Variants in CACNA1S observed in about 807,000 individuals in gnomAD.
The protein encoded by CACNA1S is voltage-dependent L-type calcium channel subunit alpha-1S.
A neutral mutation model predicts 207.4 loss-of-function variants in CACNA1S; 126 were observed. The ratio of observed to expected loss-of-function variants is 0.61; its 90% CI spans 0.53 to 0.70. CACNA1S has a LOEUF of 0.70. Among genes scored for constraint, CACNA1S ranks in the 30% least tolerant of loss-of-function variants. The pLI is 0.00. For missense variants in CACNA1S, 2,349 were observed against 2,422.8 expected (o/e 0.97, Z 0.64); for synonymous variants, 960 against 932.7 (o/e 1.03, Z -0.53).
chr1:201,057,389 C>G (rs1424199902), intron 28 of CACNA1S, among the ~76,000 whole-genome samples: 2 of 152,334 alleles, frequency 1.3e-5, no homozygotes, highest in Admixed American at 1.3e-4. Flanking sequence ...TGGACACCAC[C>G]CTCCCATTCT....
At position 201,074,585 on chromosome 1, in the gene CACNA1S, C is replaced by T. The variant is rs1304993462; in HGVS notation, c.1984G>A (p.Asp662Asn). Residue 662 changes from aspartate (D) to asparagine (N), a missense_variant, in exon 14 of 44, where the codon GAC becomes AAC. Physicochemically the swap from Asp to Asn is conservative, Grantham distance 23. Transcript: ENST00000362061. ...AGGCTCTCCGCCTCGGCCAGGTTGT[C>T]CACGGCAATGGCCAGGAAGACATTG... is the stretch of plus-strand genomic sequence containing the variant. ...LLNVFLAIAVDNLAEAESLTS... is the reference protein window; with the variant it reads ...LLNVFLAIAVNNLAEAESLTS... 1 of 1,613,846 alleles carries T rather than the reference C, an allele frequency of 6.2e-7. No homozygotes were observed. Among genetic ancestry groups the T allele is most frequent in the Non-Finnish European group, 8.5e-7 (1 of 1,179,784 alleles).
chr1:201,106,039 A>T (rs1330032684), intron 2 of CACNA1S, among the ~76,000 whole-genome samples: 1 of 152,134 alleles, frequency 6.6e-6, no homozygotes, highest in Non-Finnish European at 1.5e-5. Flanking sequence ...GTATCACCAC[A>T]CATCTGAAGT....
intron 38 of CACNA1S, among the ~76,000 whole-genome samples, chr1:201,044,787 C>T (rs1660418825): frequency 6.6e-6 from 1 of 152,224 alleles, no homozygotes; most frequent in Non-Finnish European, 1.5e-5. Flanking sequence ...GGATTACAGG[C>T]ATGAGCCACC....
At position 201,069,121 on chromosome 1, in the gene CACNA1S, C is replaced by T; in HGVS notation, c.2550+16G>A. On this transcript the variant is annotated intron_variant, in intron 19 of 43. Transcript: ENST00000362061. ...GGAAACTCCCTCCCCAGGGCTGCCC[C>T]ACAGCCTTCACTCACCTTGAGGACA... 1.2e-6 allele frequency: 2 copies of T among 1,612,290 alleles called. No individual in the cohort carries two copies. Among genetic ancestry groups the T allele is most frequent in the Non-Finnish European group, 1.7e-6 (2 of 1,178,374 alleles).
intron 17 of CACNA1S, 145 bp downstream of exon 17, chr1:201,070,127 A>T: frequency 2.2e-6 from 2 of 918,346 alleles, no homozygotes; most frequent in Non-Finnish European, 3.4e-6. Flanking sequence ...CTAGCATTTT[A>T]AACAGGGCAC....
At position 201,110,214 on chromosome 1, in the gene CACNA1S, C is replaced by A; in HGVS notation, c.208G>T (p.Val70Leu). 1 of 1,614,186 alleles carries A rather than the reference C, an allele frequency of 6.2e-7. No homozygotes were observed. Among genetic ancestry groups the A allele is most frequent in the East Asian group, 2.2e-5 (1 of 44,874 alleles). Residue 70 changes from valine to leucine, a missense_variant, in exon 2 of 44, where the codon GTG becomes TTG. Physicochemically the swap from Val to Leu is conservative, Grantham distance 32. Coordinates refer to ENST00000362061, the MANE Select transcript of CACNA1S (RefSeq NM_000069.3). ...TIFANCVALA[V>L]YLPMPEDDNN... ...TCATCTTCCGGCATGGGCAGGTACACGGCCAGGGCCACACAATTGGCAAAG... is the reference window on the plus strand; with the variant it reads ...TCATCTTCCGGCATGGGCAGGTACAAGGCCAGGGCCACACAATTGGCAAAG...
chr1:201,074,060 A>G (rs931986604), intron 14 of CACNA1S, among the ~76,000 whole-genome samples: 1 of 152,110 alleles, frequency 6.6e-6, no homozygotes, highest in Non-Finnish European at 1.5e-5. Context: ...TCCTGTAGGC[A>G]TGGGCATTGG....
chr1:201,092,755 G>A (rs1662286397), intron 3 of CACNA1S, among the ~76,000 whole-genome samples: 1 of 152,186 alleles, frequency 6.6e-6, no homozygotes, highest in Non-Finnish European at 1.5e-5. Context: ...TCCAACCAGG[G>A]CAGTTTGTAA....
intron 2 of CACNA1S, among the ~76,000 whole-genome samples, chr1:201,108,272 A>G (rs1662971606): frequency 6.6e-6 from 1 of 152,044 alleles, no homozygotes; most frequent in South Asian, 2.1e-4. Flanking sequence ...GGCCCCGCTA[A>G]TTCAATTTTT....
intron 35 of CACNA1S, 75 bp from the exon 36 acceptor site, chr1:201,048,759 T>A: frequency 7.6e-7 from 1 of 1,316,612 alleles, no homozygotes; most frequent in Non-Finnish European, 1.1e-6. Flanking sequence ...TCACCCGGTC[T>A]GTGGACCGGG....
At chr1:201,065,337 T>C (rs1661201885) in intron 22 of CACNA1S, among the ~76,000 whole-genome samples, 1 of 152,256 alleles carries the variant, frequency 6.6e-6, no homozygotes, top group Non-Finnish European at 1.5e-5. Context: ...CTCTTAAAGC[T>C]ATTAACCATC....
chr1:201,102,411 C>T (rs17421120), intron 2 of CACNA1S, among the ~76,000 whole-genome samples: 14,681 of 152,186 alleles, frequency 0.096, 1,027 homozygotes, highest in Non-Finnish European at 0.15. Flanking sequence ...GGCAGGCCCT[C>T]GTCAGCCTCG....
At position 201,083,313 on chromosome 1, in the gene CACNA1S, C is replaced by G; in HGVS notation, c.1242G>C (p.Trp414Cys). 6.2e-7 allele frequency: 1 copy of G among 1,614,192 alleles called. No homozygotes were observed. ...AGCGAAAGATGCGGTTCCACTGCCTCCAATGTCGGCTGAGGGAGGGGACAG... is the reference window on the plus strand; with the variant it reads ...AGCGAAAGATGCGGTTCCACTGCCTGCAATGTCGGCTGAGGGAGGGGACAG... ...LNKIIQFIRH[W>C]RQWNRIFRWK... The change falls in exon 10 of 44, where the codon TGG becomes TGC. Residue 414 changes from tryptophan (W) to cysteine (C), a missense_variant. Transcript: ENST00000362061.
rs780867598 is a variant in CACNA1S, at chr1:201,072,838, C to T, written c.2158-14G>A. The T allele has an allele frequency of 2.4e-5, 38 of 1,606,560 alleles. No homozygotes were observed. The highest frequency in any genetic ancestry group is 3.2e-5 in the Non-Finnish European group (37 of 1,173,300). On this transcript the variant is annotated splice_polypyrimidine_tract_variant and intron_variant, in intron 15 of 43. Coordinates refer to ENST00000362061, the MANE Select transcript of CACNA1S (RefSeq NM_000069.3). Reference sequence around the variant, plus strand: ...ATCGATTTTCAGCTGTAGGAAGGAACACAATGACTATAACAATGAAAAAGA... The same window carrying T: ...ATCGATTTTCAGCTGTAGGAAGGAATACAATGACTATAACAATGAAAAAGA...
rs542660376 is a variant in CACNA1S, at chr1:201,043,651, C to T, written c.4798-120G>A. 11 of 909,046 alleles carry T rather than the reference C, an allele frequency of 1.2e-5. No homozygotes were observed. In the South Asian group the frequency reaches 1.6e-4, roughly 13 times the overall value. The allele number at this position is 909,046 out of a possible 1,614,324, so 56.3% of individuals were successfully genotyped here. On this transcript the variant is annotated intron_variant, in intron 39 of 43. Transcript: ENST00000362061. The stretch of plus-strand genomic sequence containing the variant: ...GTATTGGGAGACAAATCTTATAAGG[C>T]CAAAGGAGGATGGACTGAGTGGTGA...
Position 201,053,714 on chromosome 1 carries a change from G to C in CACNA1S, c.3667-127C>G. The C allele has an allele frequency of 3.1e-6, 3 of 960,088 alleles. No individual in the cohort carries two copies. The highest frequency in any genetic ancestry group is 4.7e-6 in the Non-Finnish European group (3 of 634,788). The allele number at this position is 960,088 out of a possible 1,614,324, so 59.5% of individuals were successfully genotyped here. A position where few individuals can be genotyped will look rare whatever the true frequency, so the allele number is the denominator to read the frequency against. On this transcript the variant is annotated intron_variant, in intron 29 of 43. Coordinates refer to ENST00000362061, the MANE Select transcript of CACNA1S (RefSeq NM_000069.3). This position sits in a 1 kb window ranked among gnomAD's most constrained non-coding sequence, Gnocchi z 5.1. ...TGTGGCATGGAGGAACTCCAGCCCCGCCTCTGGCCCCTGCTGTCCACTAGT... is the reference window on the plus strand; with the variant it reads ...TGTGGCATGGAGGAACTCCAGCCCCCCCTCTGGCCCCTGCTGTCCACTAGT...
chr1:201,043,474 G>A lies in CACNA1S; in HGVS notation c.4855C>T (p.Pro1619Ser), dbSNP rs1485179680. 1.2e-6 allele frequency: 2 copies of A among 1,613,906 alleles called. No homozygotes were observed. The highest frequency in any genetic ancestry group is 1.7e-6 in the Non-Finnish European group (2 of 1,179,974). Residue 1619 changes from proline to serine, a missense_variant, in exon 40 of 44, where the codon CCC becomes TCC. Transcript: ENST00000362061. Reference protein sequence around the residue: ...DNFLERTNSLPPVMANQRPLQ... With the variant: ...DNFLERTNSLSPVMANQRPLQ... ...GGTCTCTGATTGGCCATGACGGGGG[G>A]CAGGGAGTTGGTCCTTTCCAGGAAG...
At position 201,039,765 on chromosome 1, in the gene CACNA1S, C is replaced by T. The variant is rs1660048009; in HGVS notation, c.*66G>A. On this transcript the variant is annotated 3_prime_UTR_variant, in exon 44 of 44. Transcript: ENST00000362061. ...GCTGCGGTGGGCTAGCCCTTCTCCA[C>T]CCCAGCAACTTCCCCACCCCCATTG... is the stretch of plus-strand genomic sequence containing the variant. 8 of 1,594,326 alleles carry T rather than the reference C, an allele frequency of 5.0e-6. No homozygotes were observed. The highest frequency in any genetic ancestry group is 1.1e-5 in the South Asian group (1 of 90,758).
rs368154721 is a variant in CACNA1S, at chr1:201,070,403, C to T, written c.2229G>A (p.Gly743=). ...KDPYPSADFP[G]DDEEDEPEIP... ...TCTCAGGCTCATCTTCCTCGTCATC[C>T]CCTGTGGGGAGAGAGAGAGGAATTA... is the stretch of plus-strand genomic sequence containing the variant. The change falls in exon 17 of 44, where the codon GGG becomes GGA. Residue 743 remains glycine, a splice_region_variant and synonymous_variant. Transcript: ENST00000362061. The T allele has an allele frequency of 2.5e-6, 4 of 1,613,896 alleles. No homozygotes were observed. In the African/African-American group the frequency reaches 5.3e-5, roughly 22 times the overall value.
Sources: gnomAD v4.1 joint callset for allele counts (sites outside exome capture counted in the v4.1 genomes callset) on GRCh38, gnomAD v4.1.1 for gene constraint, Gnocchi (gnomAD v3.1) non-coding constraint, MANE v1.5 for transcripts, NCBI Gene and HGNC (gene_info 2026-07-23, HGNC 2026-07-21) for gene names.